BAZ2B: variants seen among roughly 807,000 people sequenced by gnomAD.
BAZ2B encodes the protein bromodomain adjacent to zinc finger domain protein 2B.
Under a neutral mutation model 246.0 loss-of-function variants are expected in BAZ2B, and 91 were observed. The observed-to-expected ratio is 0.37, with a 90% CI of 0.31 to 0.44. The LOEUF is 0.44. Ranked by LOEUF, BAZ2B falls within the 20% of genes least tolerant of loss-of-function variation. The pLI, the probability that BAZ2B is intolerant of heterozygous loss-of-function variation, is 1.00. For synonymous variants in BAZ2B, 855 were observed against 860.0 expected, an observed-to-expected ratio of 0.99 and a Z score of 0.10; for missense variants, 2,332 against 2,533.7, an observed-to-expected ratio of 0.92 and a Z score of 1.71.
the BAZ2B span, among the ~76,000 whole-genome samples, chr2:159,686,765 A>G: frequency 7.7e-3 from 1,167 of 152,290 alleles, 8 homozygotes; most frequent in Middle Eastern, 0.014. Flanking sequence ...ACAGTAGGCC[A>G]GGCGTGGTGG....
the BAZ2B span, among the ~76,000 whole-genome samples, chr2:159,669,946 T>C: frequency 1.3e-5 from 2 of 152,062 alleles, no homozygotes; most frequent in Admixed American, 1.3e-4. Flanking sequence ...CTATGTGTTG[T>C]TGCAGTAGTT....
At chr2:159,345,001 G>A (rs894147123) in intron 31 of BAZ2B, among the ~76,000 whole-genome samples, 7 of 152,072 alleles carry the variant, frequency 4.6e-5, no homozygotes, top group Non-Finnish European at 8.8e-5. Flanking sequence ...TCTGAGGTCG[G>A]GAGTTTGAGA....
chr2:159,354,804 C>A (rs903138149), intron 27 of BAZ2B, among the ~76,000 whole-genome samples: 2 of 152,024 alleles, frequency 1.3e-5, no homozygotes, highest in Admixed American at 1.3e-4. Context: ...TATAGATAAC[C>A]ATCTTCAAAG....
At chr2:159,473,063 C>A (rs1162126216) in intron 3 of BAZ2B, among the ~76,000 whole-genome samples, 2 of 152,136 alleles carry the variant, frequency 1.3e-5, no homozygotes. Flanking sequence ...AGGAATGGTA[C>A]CAGCTCCTCT....
chr2:159,389,147 C>T (rs1300919859), intron 21 of BAZ2B, among the ~76,000 whole-genome samples, 198 bp downstream of exon 21: 1 of 151,520 alleles, frequency 6.6e-6, no homozygotes, highest in East Asian at 1.9e-4. Context: ...ACAAAAAAAC[C>T]GCCATTACCA....
intron 20 of BAZ2B, among the ~76,000 whole-genome samples, chr2:159,391,667 C>A (rs578172558): frequency 5.9e-4 from 89 of 152,134 alleles, no homozygotes; most frequent in Admixed American, 3.9e-3. Flanking sequence ...GCACTGAATG[C>A]CATAAGATAA....
intron 2 of BAZ2B, among the ~76,000 whole-genome samples, chr2:159,519,049 C>A (rs1030256122): frequency 6.6e-6 from 1 of 151,900 alleles, no homozygotes; most frequent in Non-Finnish European, 1.5e-5. Context: ...TTAACATTTC[C>A]TCAGTGCAAG....
chr2:159,316,190 C>A (rs1488139733), downstream of BAZ2B, among the ~76,000 whole-genome samples: 2 of 151,962 alleles, frequency 1.3e-5, no homozygotes, highest in African/African-American at 4.8e-5. Flanking sequence ...CACAGAGGGG[C>A]TTTGCAAGAA....
intron 3 of BAZ2B, among the ~76,000 whole-genome samples, chr2:159,475,170 T>C (rs11696006): frequency 0.79 from 120,721 of 152,110 alleles, 48,386 homozygotes; most frequent in Non-Finnish European, 0.86. Context: ...TTCCGTTCTC[T>C]TTGTCACTTT....
At chr2:159,590,361 G>A (rs1191657220) in intron 1 of BAZ2B, among the ~76,000 whole-genome samples, 2 of 151,260 alleles carry the variant, frequency 1.3e-5, no homozygotes, top group Admixed American at 1.3e-4. Context: ...AGGCCAAGGT[G>A]GGTGGATCAC....
intron 2 of BAZ2B, among the ~76,000 whole-genome samples, chr2:159,479,323 T>C (rs1474991719): frequency 1.3e-5 from 2 of 152,174 alleles, no homozygotes; most frequent in Non-Finnish European, 2.9e-5. Context: ...CTTCTAATCA[T>C]CTTTATTAAT....
intron 1 of BAZ2B, among the ~76,000 whole-genome samples, chr2:159,593,205 A>G (rs1053760073): frequency 5.9e-5 from 9 of 152,242 alleles, no homozygotes; most frequent in South Asian, 4.1e-4. Context: ...TCCAAAATCT[A>G]TATTTCCACC....
At chr2:159,435,737 C>T (rs1254819118) in intron 8 of BAZ2B, among the ~76,000 whole-genome samples, 1 of 152,036 alleles carries the variant, frequency 6.6e-6, no homozygotes, top group African/African-American at 2.4e-5. Context: ...GATCCACCTG[C>T]CCTTGGCCTC....
chr2:159,453,884 T>G (rs182992795), intron 3 of BAZ2B, 83 bp from the exon 4 acceptor site: 7 of 1,163,276 alleles, frequency 6.0e-6, no homozygotes, highest in Non-Finnish European at 7.9e-6. Flanking sequence ...TAGTTAAAAT[T>G]TATAATAATT....
chr2:159,569,549 G>T (rs1394989819), intron 1 of BAZ2B, among the ~76,000 whole-genome samples: 1 of 152,110 alleles, frequency 6.6e-6, no homozygotes, highest in Non-Finnish European at 1.5e-5. Context: ...AGAGTTGGTA[G>T]ATTTAGGATT....
chr2:159,592,510 A>C (rs563009438), intron 1 of BAZ2B, among the ~76,000 whole-genome samples: 13 of 152,276 alleles, frequency 8.5e-5, no homozygotes, highest in African/African-American at 3.1e-4. Flanking sequence ...CTCTATGTTC[A>C]AATTATCTTC....
chr2:159,423,330 CA>C (rs1486274894), intron 13 of BAZ2B, among the ~76,000 whole-genome samples: 4 of 151,572 alleles, frequency 2.6e-5, no homozygotes, highest in African/African-American at 9.7e-5. Flanking sequence ...AACAAACAAA[CA>C]AAAGAATGGC....
Position 159,541,910 on chromosome 2 carries a change from T to C in BAZ2B, c.-3+13913A>G, listed in dbSNP as rs544037527. Among the ~76,000 whole-genome samples, 134 of 152,032 alleles carry C rather than the reference T, an allele frequency of 8.8e-4. 2 individuals are homozygous for C. In the Middle Eastern group the frequency reaches 0.01, roughly 12 times the overall value. ...TGCTCAAAGAGCAAAAGGAAACCCA[T>C]AGACAAAAGAATGAAAGGAAACCAG... On this transcript the variant is annotated intron_variant, in intron 2 of 36. Coordinates refer to ENST00000392783, the MANE Select transcript of BAZ2B (RefSeq NM_013450.4).
the BAZ2B span, among the ~76,000 whole-genome samples, chr2:159,648,610 G>A: frequency 2.6e-5 from 4 of 152,046 alleles, no homozygotes; most frequent in Non-Finnish European, 5.9e-5. Context: ...CTTCCATTCA[G>A]TATAATTTTC....
Sources: allele counts gnomAD v4.1 joint callset (sites outside exome capture counted in the v4.1 genomes callset), GRCh38; gene constraint gnomAD v4.1.1; transcripts MANE v1.5; gene names NCBI Gene and HGNC (gene_info 2026-07-23, HGNC 2026-07-21).